MAGI2: variants seen among roughly 807,000 people sequenced by gnomAD.
MAGI2 encodes membrane-associated guanylate kinase, WW and PDZ domain-containing protein 2.
A neutral mutation model predicts 133.3 loss-of-function variants in MAGI2; 35 were observed. The ratio of observed to expected loss-of-function variants is 0.26; its 90% CI spans 0.20 to 0.35. The LOEUF is 0.35. Ranked by LOEUF, MAGI2 falls within the 10% of genes least tolerant of loss-of-function variation. The pLI is 1.00. For missense variants in MAGI2, 1,636 were observed against 1,863.4 expected (o/e 0.88, Z 2.25); for synonymous variants, 729 against 710.6 (o/e 1.03, Z -0.41).
chr7:78,492,764 G>A (rs1273509312), intron 5 of MAGI2, among the ~76,000 whole-genome samples: 2 of 152,044 alleles, frequency 1.3e-5, no homozygotes, highest in Non-Finnish European at 2.9e-5. Context: ...TAAATACCAG[G>A]AAAAGAAAAT....
intron 6 of MAGI2, among the ~76,000 whole-genome samples, chr7:78,383,644 T>C (rs763833741): frequency 6.6e-6 from 1 of 152,148 alleles, no homozygotes; most frequent in Non-Finnish European, 1.5e-5. Flanking sequence ...TTCTCTGTGC[T>C]TTTGAGGTCT....
intron 5 of MAGI2, among the ~76,000 whole-genome samples, chr7:78,497,977 A>G (rs967715976): frequency 1.2e-4 from 19 of 152,104 alleles, no homozygotes; most frequent in African/African-American, 4.3e-4. Flanking sequence ...TTCCCTCACA[A>G]ATCTCTCTCA....
chr7:79,432,989 G>A (rs963364489), intron 1 of MAGI2, among the ~76,000 whole-genome samples: 1 of 152,138 alleles, frequency 6.6e-6, no homozygotes, highest in Non-Finnish European at 1.5e-5. Flanking sequence ...GAGGTTGGGA[G>A]GAGCTAGAGC....
chr7:78,844,927 AAGG>A (rs933013277), intron 2 of MAGI2, among the ~76,000 whole-genome samples: 2 of 151,972 alleles, frequency 1.3e-5, no homozygotes, highest in African/African-American at 4.8e-5. Context: ...ATCTCCAAGA[AAGG>A]AGAAAACTCT....
At position 78,133,035 on chromosome 7, in the gene MAGI2, G is replaced by A; in HGVS notation, c.3057C>T (p.Pro1019=). ...CCATGGGACTCTGCTTCTCTGAGCTGGGTGCCGAGGTGGGGCTGTTGAGCT... is the reference window on the plus strand; with the variant it reads ...CCATGGGACTCTGCTTCTCTGAGCTAGGTGCCGAGGTGGGGCTGTTGAGCT... ...QEELNSPTSA[P]SSEKQSPMAQ... The change falls in exon 18 of 22, where the codon CCC becomes CCT. Residue 1019 remains proline (P), a synonymous_variant. Coordinates refer to ENST00000354212, the MANE Select transcript of MAGI2 (RefSeq NM_012301.4). The A allele has an allele frequency of 6.3e-7, 1 of 1,581,824 alleles. No individual in the cohort carries two copies. Among genetic ancestry groups the A allele is most frequent in the Non-Finnish European group, 8.6e-7 (1 of 1,166,800 alleles).
intron 9 of MAGI2, among the ~76,000 whole-genome samples, chr7:78,260,479 T>G (rs1232501936): frequency 6.6e-6 from 1 of 152,162 alleles, no homozygotes; most frequent in East Asian, 1.9e-4. Flanking sequence ...AATAAAAATA[T>G]CTCTTACATT....
At chr7:79,001,120 T>C (rs368100326) in intron 2 of MAGI2, among the ~76,000 whole-genome samples, 16 of 152,196 alleles carry the variant, frequency 1.1e-4, no homozygotes, top group African/African-American at 3.6e-4. Context: ...TTTCACCATG[T>C]TGGCCAGGAT....
chr7:78,240,011 T>G (rs1204955090), intron 10 of MAGI2, among the ~76,000 whole-genome samples: 1 of 151,938 alleles, frequency 6.6e-6, no homozygotes, highest in Middle Eastern at 3.2e-3. Flanking sequence ...TACTTTAAGT[T>G]CTAGGGTACA....
At chr7:78,556,938 A>G (rs1482718161) in intron 3 of MAGI2, among the ~76,000 whole-genome samples, 2 of 151,864 alleles carry the variant, frequency 1.3e-5, no homozygotes, top group Non-Finnish European at 2.9e-5. Context: ...AATAAAAAAA[A>G]AAATTAGCTG....
chr7:78,634,693 A>C (rs1484242275), intron 2 of MAGI2, among the ~76,000 whole-genome samples: 2 of 152,212 alleles, frequency 1.3e-5, no homozygotes, highest in Non-Finnish European at 2.9e-5. Context: ...AACTCAAAAG[A>C]TGATGAATAG....
At position 78,132,886 on chromosome 7, in the gene MAGI2, T is replaced by C; in HGVS notation, c.3203+3A>G. On this transcript the variant is annotated splice_donor_region_variant and intron_variant, in intron 18 of 21. Coordinates refer to ENST00000354212, the MANE Select transcript of MAGI2 (RefSeq NM_012301.4). Reference sequence around the variant, plus strand: ...GAATCACAAAAGTCAGAGGAAATTTTACCTATTTTCGTGTCCTTGCAGCTG... The same window carrying C: ...GAATCACAAAAGTCAGAGGAAATTTCACCTATTTTCGTGTCCTTGCAGCTG... 3.7e-6 allele frequency: 6 copies of C among 1,614,084 alleles called. No individual in the cohort carries two copies. Among genetic ancestry groups the C allele is most frequent in the Non-Finnish European group, 5.1e-6 (6 of 1,179,982 alleles).
At chr7:79,375,830 T>C (rs1843342761) in intron 1 of MAGI2, among the ~76,000 whole-genome samples, 1 of 151,944 alleles carries the variant, frequency 6.6e-6, no homozygotes, top group Admixed American at 6.6e-5. Flanking sequence ...CAGATAGGCT[T>C]GAATTATCAG....
intron 3 of MAGI2, among the ~76,000 whole-genome samples, chr7:78,593,829 A>C (rs183097845): frequency 6.6e-6 from 1 of 152,306 alleles, no homozygotes; most frequent in African/African-American, 2.4e-5. Flanking sequence ...CATTTGACTA[A>C]AAATTGTCCA....
intron 3 of MAGI2, among the ~76,000 whole-genome samples, chr7:78,590,738 T>C (rs1803912506): frequency 6.6e-6 from 1 of 152,162 alleles, no homozygotes; most frequent in Non-Finnish European, 1.5e-5. Context: ...TATTGGTCTG[T>C]GTGGTACTTA....
At chr7:78,975,448 G>A (rs1321623365) in intron 2 of MAGI2, among the ~76,000 whole-genome samples, 3 of 151,440 alleles carry the variant, frequency 2.0e-5, no homozygotes, top group Non-Finnish European at 3.0e-5. Flanking sequence ...AAGAAGTCAC[G>A]GGAGAAATTT....
chr7:78,186,926 A>C (rs1429783980), intron 12 of MAGI2, among the ~76,000 whole-genome samples: 1 of 152,118 alleles, frequency 6.6e-6, no homozygotes, highest in East Asian at 1.9e-4. Flanking sequence ...CCTAAACCAC[A>C]CAACTGGGTT....
intron 7 of MAGI2, among the ~76,000 whole-genome samples, chr7:78,358,051 G>T (rs1353065832): frequency 6.8e-6 from 1 of 148,088 alleles, no homozygotes; most frequent in African/African-American, 2.5e-5. Flanking sequence ...AGCTTTGACA[G>T]AAGTTAAAAA....
At chr7:78,566,660 T>C (rs577085593) in intron 3 of MAGI2, among the ~76,000 whole-genome samples, 5 of 152,208 alleles carry the variant, frequency 3.3e-5, no homozygotes, top group Admixed American at 1.3e-4. Context: ...TCTATCAATA[T>C]ATAATACCAT....
rs199882483 is a variant in MAGI2, at chr7:78,171,134, ATC to A, written c.2404-3028_2404-3027del. Among the ~76,000 whole-genome samples, 481 of 152,324 alleles carry A rather than the reference ATC, an allele frequency of 3.2e-3. 1 individual carries two copies. Among genetic ancestry groups the A allele is most frequent in the African/African-American group, 0.011 (463 of 41,556 alleles). ...TGCTGACACAGAGATAGCTCGATAT[ATC>A]TCTCTATTCTGAGAAAAAAACAACT... On this transcript the variant is annotated intron_variant, in intron 14 of 21. Transcript: ENST00000354212.
Sources: allele counts gnomAD v4.1 joint callset (sites outside exome capture counted in the v4.1 genomes callset), GRCh38; gene constraint gnomAD v4.1.1; transcripts MANE v1.5; gene names NCBI Gene and HGNC (gene_info 2026-07-23, HGNC 2026-07-21).